SDK1: variants seen among roughly 807,000 people sequenced by gnomAD.
SDK1 encodes sidekick cell adhesion molecule 1.
SDK1 carries 157 observed loss-of-function variants against 245.5 expected under a neutral mutation model. The ratio of observed to expected loss-of-function variants is 0.64; its 90% CI spans 0.56 to 0.73. SDK1 has a LOEUF of 0.73. SDK1 is among the 30% of genes least tolerant of loss of function. The pLI, the probability that SDK1 is intolerant of heterozygous loss-of-function variation, is 0.00. For missense variants in SDK1, 3,583 were observed against 3,002.3 expected, an observed-to-expected ratio of 1.19 and a Z score of -4.52; for synonymous variants, 1,647 against 1,278.5, an observed-to-expected ratio of 1.29 and a Z score of -6.15.
At chr7:3,811,036 G>A (rs1779370923) in intron 4 of SDK1, among the ~76,000 whole-genome samples, 1 of 152,196 alleles carries the variant, frequency 6.6e-6, no homozygotes, top group Non-Finnish European at 1.5e-5. Flanking sequence ...GCCCCTAGAA[G>A]AGGACAGTAG....
intron 4 of SDK1, among the ~76,000 whole-genome samples, chr7:3,687,332 T>C (rs1031257461): frequency 1.3e-5 from 2 of 152,084 alleles, no homozygotes; most frequent in African/African-American, 4.8e-5. Flanking sequence ...TTTCACTATG[T>C]TGGCCAGGAT....
At chr7:4,097,207 A>T (rs531879620) in intron 22 of SDK1, among the ~76,000 whole-genome samples, 1 of 152,188 alleles carries the variant, frequency 6.6e-6, no homozygotes. Context: ...AGATGGCAAG[A>T]CGGCCTGGGC....
chr7:4,170,995 A>T (rs1255972392), intron 32 of SDK1, among the ~76,000 whole-genome samples: 3 of 152,186 alleles, frequency 2.0e-5, no homozygotes, highest in Middle Eastern at 3.2e-3. Context: ...TCCAGCCTCG[A>T]CTGTGCCTGT....
At chr7:3,544,453 C>T (rs1779153860) in intron 1 of SDK1, among the ~76,000 whole-genome samples, 1 of 152,214 alleles carries the variant, frequency 6.6e-6, no homozygotes, top group African/African-American at 2.4e-5. Flanking sequence ...CGGCCATGCC[C>T]AAATGAGGGG....
chr7:4,027,073 G>T (rs1487326792), intron 17 of SDK1, among the ~76,000 whole-genome samples: 1 of 152,198 alleles, frequency 6.6e-6, no homozygotes, highest in Non-Finnish European at 1.5e-5. Flanking sequence ...TGTGCTTCTT[G>T]CATCGTGGGG....
intron 43 of SDK1, among the ~76,000 whole-genome samples, chr7:4,243,886 C>G (rs185477016): frequency 2.6e-4 from 40 of 152,314 alleles, no homozygotes; most frequent in African/African-American, 8.9e-4. Context: ...CTTAGAAATA[C>G]GGGCACAGTT....
At chr7:3,362,817 G>C (rs1055183649) in intron 1 of SDK1, among the ~76,000 whole-genome samples, 4 of 152,250 alleles carry the variant, frequency 2.6e-5, no homozygotes, top group African/African-American at 9.6e-5. Flanking sequence ...TTTTCCATGC[G>C]TGTGTGATTA....
intron 5 of SDK1, among the ~76,000 whole-genome samples, chr7:3,852,722 G>T (rs1005229508): frequency 9.0e-5 from 11 of 122,748 alleles, no homozygotes; most frequent in African/African-American, 3.4e-4. Context: ...CTGCACTCCA[G>T]CCTGGGAGAC....
At position 3,825,318 on chromosome 7, in the gene SDK1, TAAA is replaced by T. The variant is rs763807672; in HGVS notation, c.847+3755_847+3757del. On this transcript the variant is annotated intron_variant, in intron 5 of 44. Coordinates refer to ENST00000404826, the MANE Select transcript of SDK1 (RefSeq NM_152744.4). ...CTATGTGAATAAGAGTTTCTTCCTC[TAAA>T]AAAAAAAAAAAAAAAAAAAGCCACA... Among the ~76,000 whole-genome samples the T allele has an allele frequency of 3.6e-4, 26 of 71,384 alleles. 1 individual carries two copies. Among genetic ancestry groups the T allele is most frequent in the African/African-American group, 9.9e-4 (21 of 21,164 alleles). The allele number at this position is 71,384 out of a possible 152,430, so 46.8% of individuals were successfully genotyped here.
chr7:3,889,586 C>G (rs1458475558), intron 5 of SDK1, among the ~76,000 whole-genome samples: 1 of 152,152 alleles, frequency 6.6e-6, no homozygotes, highest in Non-Finnish European at 1.5e-5. Flanking sequence ...CAGCTCACTG[C>G]AAGCTCTGCC....
intron 1 of SDK1, among the ~76,000 whole-genome samples, chr7:3,505,243 G>C (rs1032340068): frequency 2.0e-5 from 3 of 151,960 alleles, no homozygotes; most frequent in Non-Finnish European, 4.4e-5. Flanking sequence ...ATACACATCT[G>C]TAATTTATTG....
intron 4 of SDK1, among the ~76,000 whole-genome samples, chr7:3,740,334 C>T (rs1409716782): frequency 6.6e-6 from 1 of 152,186 alleles, no homozygotes; most frequent in Non-Finnish European, 1.5e-5. Flanking sequence ...CAGAGCAGTT[C>T]AGAATCCCCT....
At chr7:3,855,814 G>T (rs748827402) in intron 5 of SDK1, among the ~76,000 whole-genome samples, 11 of 152,282 alleles carry the variant, frequency 7.2e-5, no homozygotes, top group South Asian at 2.1e-4. Context: ...GTTCTGAGGG[G>T]AAAACTTAAG....
At chr7:3,874,666 G>GT (rs1240305534) in intron 5 of SDK1, among the ~76,000 whole-genome samples, 1 of 151,874 alleles carries the variant, frequency 6.6e-6, no homozygotes, top group African/African-American at 2.4e-5. Context: ...TTTTTGTTTT[G>GT]TTTTTTGCTC....
chr7:4,114,033 C>G lies in SDK1; in HGVS notation c.3586-4C>G, dbSNP rs777952083. The stretch of plus-strand genomic sequence containing the variant: ...GCTCATCGCGACTCCTCGTTCCTTC[C>G]TAGCCCCTGCCGGATTCTCAGTACA... On this transcript the variant is annotated splice_polypyrimidine_tract_variant and splice_region_variant and intron_variant, in intron 24 of 44. Coordinates refer to ENST00000404826, the MANE Select transcript of SDK1 (RefSeq NM_152744.4). The G allele has an allele frequency of 6.2e-7, 1 of 1,613,494 alleles. No individual in the cohort carries two copies. Among genetic ancestry groups the G allele is most frequent in the African/African-American group, 1.3e-5 (1 of 75,050 alleles).
intron 4 of SDK1, among the ~76,000 whole-genome samples, chr7:3,656,084 C>G (rs1002599189): frequency 6.6e-6 from 1 of 152,194 alleles, no homozygotes; most frequent in East Asian, 1.9e-4. Flanking sequence ...TTAGTATTCA[C>G]AGCCAGCTGT....
chr7:4,058,297 G>A (rs925768168), intron 19 of SDK1, among the ~76,000 whole-genome samples: 5 of 151,982 alleles, frequency 3.3e-5, no homozygotes, highest in Non-Finnish European at 5.9e-5. Flanking sequence ...TAGACTAGAT[G>A]AGACAGCAGA....
intron 5 of SDK1, among the ~76,000 whole-genome samples, chr7:3,873,171 G>C (rs1005209480): frequency 1.3e-5 from 2 of 151,908 alleles, no homozygotes; most frequent in Non-Finnish European, 2.9e-5. Context: ...TGTCTGAAAA[G>C]TCTTTCTTTC....
chr7:3,944,044 G>GT (rs1209469286), intron 5 of SDK1, among the ~76,000 whole-genome samples: 35 of 152,214 alleles, frequency 2.3e-4, no homozygotes, highest in African/African-American at 7.7e-4. Context: ...GAACACTACT[G>GT]TAAAGTCTCA....
Sources: allele counts gnomAD v4.1 joint callset (sites outside exome capture counted in the v4.1 genomes callset), GRCh38; gene constraint gnomAD v4.1.1; transcripts MANE v1.5; gene names NCBI Gene and HGNC (gene_info 2026-07-23, HGNC 2026-07-21).